The following ADAM19 variants were observed in gnomAD, a reference collection of about 807,000 sequenced individuals.
The protein encoded by ADAM19 is disintegrin and metalloproteinase domain-containing protein 19.
A neutral mutation model predicts 114.7 loss-of-function variants in ADAM19; 65 were observed. That is an observed-to-expected ratio of 0.57 (90% CI 0.46 to 0.70). The LOEUF is 0.70. ADAM19 is among the 30% of genes least tolerant of loss of function. The pLI is 0.00. For missense variants in ADAM19, 1,063 were observed against 1,204.7 expected (o/e 0.88, Z 1.74); for synonymous variants, 466 against 460.5 (o/e 1.01, Z -0.15).
At chr5:157,508,143 A>G (rs188752411) in intron 9 of ADAM19, among the ~76,000 whole-genome samples, 2 of 152,374 alleles carry the variant, frequency 1.3e-5, no homozygotes, top group East Asian at 1.9e-4. Flanking sequence ...TATTTTCTAC[A>G]TGTTCCAAAG....
intron 15 of ADAM19, among the ~76,000 whole-genome samples, chr5:157,494,147 G>T (rs1307665964): frequency 5.4e-5 from 8 of 149,064 alleles, no homozygotes; most frequent in African/African-American, 2.0e-4. Context: ...ATAGATAGTA[G>T]ATGGATAGAT....
chr5:157,495,933 C>CTT (rs57078206), intron 14 of ADAM19, among the ~76,000 whole-genome samples: 3,088 of 75,908 alleles, frequency 0.041, 390 homozygotes, highest in East Asian at 0.098. Context: ...TGTGCCCAGT[C>CTT]TTTTTTTTTT....
chr5:157,505,601 A>G, intron 11 of ADAM19, 68 bp downstream of exon 11: 1 of 1,524,762 alleles, frequency 6.6e-7, no homozygotes, highest in Non-Finnish European at 8.9e-7. Context: ...GCTGGGAGGA[A>G]CCCCTGGGTC....
chr5:157,519,972 T>C lies in ADAM19; in HGVS notation c.467A>G (p.Lys156Arg), dbSNP rs1202922180. ...SYVIEPLPDS[K>R]GQHLIYRSEH... ...AGATCTGTAAATAAGGTGTTGGCCC[T>C]TGCTGTCAGGGAGGGGCTCGATGAC... The change falls in exon 6 of 23, where the codon AAG (lysine) becomes AGG (arginine). Residue 156 changes from lysine (K) to arginine (R), a missense_variant. This residue lies in a region of ADAM19 where 615 missense variants were observed against 706.3 expected (regional missense o/e 0.87). Coordinates refer to ENST00000257527, the MANE Select transcript of ADAM19 (RefSeq NM_033274.5). 6.2e-7 allele frequency: 1 copy of C among 1,614,162 alleles called. No homozygotes were observed. Among genetic ancestry groups the C allele is most frequent in the Non-Finnish European group, 8.5e-7 (1 of 1,180,032 alleles).
intron 5 of ADAM19, among the ~76,000 whole-genome samples, chr5:157,527,901 G>A (rs1407613599): frequency 2.0e-5 from 3 of 152,062 alleles, no homozygotes; most frequent in Admixed American, 2.0e-4. Context: ...GAACTGCTTT[G>A]AAGAGAAGAG....
At chr5:157,538,091 A>G in intron 3 of ADAM19, 100 bp from the exon 4 acceptor site, 1 of 913,638 alleles carries the variant, frequency 1.1e-6, no homozygotes, top group Non-Finnish European at 1.7e-6. Context: ...GACTATCCCA[A>G]GCATCTCCAT....
intron 5 of ADAM19, among the ~76,000 whole-genome samples, chr5:157,521,078 A>G (rs957087117): frequency 6.6e-6 from 1 of 152,108 alleles, no homozygotes; most frequent in Non-Finnish European, 1.5e-5. Flanking sequence ...AGAGAGCAAA[A>G]AGTTTCATCA....
At chr5:157,516,222 A>G (rs1756085791) in intron 7 of ADAM19, among the ~76,000 whole-genome samples, 1 of 152,116 alleles carries the variant, frequency 6.6e-6, no homozygotes, top group South Asian at 2.1e-4. Flanking sequence ...CAGTCCCTCA[A>G]ATGAATCATT....
Position 157,477,562 on chromosome 5 carries a change from G to C in ADAM19, c.*3387C>G. 1 of 1,202,680 alleles carries C rather than the reference G, an allele frequency of 8.3e-7. No individual in the cohort carries two copies. The highest frequency in any genetic ancestry group is 1.1e-6 in the Non-Finnish European group (1 of 943,236). 74.5% of individuals were successfully genotyped at this position (1,202,680 alleles called of 1,614,324 possible). A position where few individuals can be genotyped will look rare whatever the true frequency, so the allele number is the denominator to read the frequency against. Reference sequence around the variant, plus strand: ...GTTGGGGGTGACTTTGGAAATGTGGGCTTGGATTCTACAGAACCTCTCCTT... The same window carrying C: ...GTTGGGGGTGACTTTGGAAATGTGGCCTTGGATTCTACAGAACCTCTCCTT... On this transcript the variant is annotated 3_prime_UTR_variant, in exon 23 of 23. Coordinates refer to ENST00000257527, the MANE Select transcript of ADAM19 (RefSeq NM_033274.5).
intron 3 of ADAM19, among the ~76,000 whole-genome samples, chr5:157,540,360 G>C (rs1280531753): frequency 6.6e-6 from 1 of 152,164 alleles, no homozygotes; most frequent in Non-Finnish European, 1.5e-5. Flanking sequence ...GGAGTTCAGA[G>C]TTTAATAGTT....
intron 19 of ADAM19, among the ~76,000 whole-genome samples, chr5:157,489,646 A>G (rs1755081551): frequency 6.6e-6 from 1 of 152,256 alleles, no homozygotes; most frequent in African/African-American, 2.4e-5. Flanking sequence ...AGGAGTAGCT[A>G]TTCTTATACC....
intron 3 of ADAM19, among the ~76,000 whole-genome samples, chr5:157,548,269 T>C (rs915203006): frequency 6.6e-6 from 1 of 152,170 alleles, no homozygotes; most frequent in Non-Finnish European, 1.5e-5. Flanking sequence ...TCCCACATTG[T>C]TCTGTAACTG....
chr5:157,483,828 T>C (rs1023510205), intron 21 of ADAM19, among the ~76,000 whole-genome samples: 3 of 152,108 alleles, frequency 2.0e-5, no homozygotes, highest in African/African-American at 7.2e-5. Context: ...GAGACGGGGT[T>C]TCGCCATGTT....
intron 5 of ADAM19, among the ~76,000 whole-genome samples, chr5:157,529,920 C>T (rs1355698373): frequency 6.6e-6 from 1 of 151,910 alleles, no homozygotes; most frequent in Non-Finnish European, 1.5e-5. Context: ...CCTTGCCTTT[C>T]CTTTCACTTC....
chr5:157,480,038 AG>A lies in ADAM19; in HGVS notation c.*910del. On this transcript the variant is annotated 3_prime_UTR_variant, in exon 23 of 23. Coordinates refer to ENST00000257527, the MANE Select transcript of ADAM19 (RefSeq NM_033274.5). ...GGGAAATCCAGTGGCCGACTGTGAG[AG>A]AGGACTCTGACTTGTAGGTCACAAG... 1.0e-6 allele frequency: 1 copy of A among 985,982 alleles called. No homozygotes were observed. The highest frequency in any genetic ancestry group is 1.2e-6 in the Non-Finnish European group (1 of 830,018). 61.1% of individuals were successfully genotyped at this position (985,982 alleles called of 1,614,324 possible).
intron 3 of ADAM19, among the ~76,000 whole-genome samples, chr5:157,539,587 A>C (rs6875485): frequency 0.18 from 26,950 of 151,146 alleles, 2,801 homozygotes; most frequent in African/African-American, 0.27. Context: ...CTCGCCTTGG[A>C]CAAGAAGAAA....
At chr5:157,547,138 C>T (rs1757070841) in intron 3 of ADAM19, among the ~76,000 whole-genome samples, 2 of 152,086 alleles carry the variant, frequency 1.3e-5, no homozygotes, top group Non-Finnish European at 2.9e-5. Context: ...TTATTGCATC[C>T]CCATGATGAT....
At chr5:157,512,677 C>T (rs1755958829) in intron 8 of ADAM19, among the ~76,000 whole-genome samples, 3 of 152,188 alleles carry the variant, frequency 2.0e-5, no homozygotes, top group African/African-American at 4.8e-5. Context: ...TAGGTATTTC[C>T]GAAGAGCATC....
At chr5:157,565,734 C>T (rs1031035683) in intron 2 of ADAM19, among the ~76,000 whole-genome samples, 2 of 148,998 alleles carry the variant, frequency 1.3e-5, no homozygotes, top group Non-Finnish European at 3.0e-5. Context: ...AATGTTTAGA[C>T]TCAGGAATGT....
Sources: gnomAD v4.1 joint callset for allele counts (sites outside exome capture counted in the v4.1 genomes callset) on GRCh38, gnomAD v4.1.1 for gene constraint, gnomAD v4.1.1 regional missense constraint, MANE v1.5 for transcripts, NCBI Gene and HGNC (gene_info 2026-07-23, HGNC 2026-07-21) for gene names.